ALMS1: variants seen among roughly 807,000 people sequenced by gnomAD.
The protein encoded by ALMS1 is ALMS1 centrosome and basal body associated protein.
Under a neutral mutation model 352.2 loss-of-function variants are expected in ALMS1, and 271 were observed. The ratio of observed to expected loss-of-function variants is 0.77; its 90% CI spans 0.70 to 0.85. ALMS1 has a LOEUF of 0.85. ALMS1 is among the 40% of genes least tolerant of loss of function. The probability of loss-of-function intolerance (pLI) is 0.00; values close to 1 mark genes in which losing one functional copy is unlikely to be tolerated. For missense variants in ALMS1, 5,445 were observed against 4,870.7 expected (o/e 1.12, Z -3.51); for synonymous variants, 1,865 against 1,761.2 (o/e 1.06, Z -1.48).
Position 73,453,675 on chromosome 2 carries a change from C to T in ALMS1, c.7148C>T (p.Ala2383Val), listed in dbSNP as rs1671998481. ...GAAGAAACTCTTAGGCAATATCAAGCAGCCAAATCTGTAATGAGGTCTGAA... is the reference window on the plus strand; with the variant it reads ...GAAGAAACTCTTAGGCAATATCAAGTAGCCAAATCTGTAATGAGGTCTGAA... ...ALEETLRQYQ[A>V]AKSVMRSEPE... The change falls in exon 8 of 23, where the codon GCA (alanine) becomes GTA (valine). Residue 2383 changes from alanine (A) to valine (V), a missense_variant. Transcript: ENST00000613296. 4 of 1,614,082 alleles carry T rather than the reference C, an allele frequency of 2.5e-6. No homozygotes were observed. The highest frequency in any genetic ancestry group is 1.7e-5 in the Admixed American group (1 of 59,998).
At position 73,575,365 on chromosome 2, in the gene ALMS1, C is replaced by T. The variant is rs145560602; in HGVS notation, c.11547+1941C>T. 3.1e-3 allele frequency among the ~76,000 whole-genome samples: 477 copies of T among 152,302 alleles called. 3 individuals are homozygous for T. Among genetic ancestry groups the T allele is most frequent in the African/African-American group, 0.011 (454 of 41,560 alleles). Reference sequence around the variant, plus strand: ...TACCTGCACTATTTTGCATTCCCATCAGCAGTGTATAAGGGTTCCTCCAAC... The same window carrying T: ...TACCTGCACTATTTTGCATTCCCATTAGCAGTGTATAAGGGTTCCTCCAAC... On this transcript the variant is annotated intron_variant, in intron 16 of 22. Transcript: ENST00000613296.
At chr2:73,428,055 A>G (rs1315689328) in intron 6 of ALMS1, among the ~76,000 whole-genome samples, 1 of 152,158 alleles carries the variant, frequency 6.6e-6, no homozygotes, top group Non-Finnish European at 1.5e-5. Context: ...TTTTTTTAAC[A>G]CAGAATCACT....
At chr2:73,569,423 A>G (rs190742664) in intron 15 of ALMS1, among the ~76,000 whole-genome samples, 11 of 152,236 alleles carry the variant, frequency 7.2e-5, no homozygotes. Flanking sequence ...ATTTTAGAGC[A>G]ATGTTATCTA....
At chr2:73,550,836 G>T (rs1410136356) in intron 13 of ALMS1, among the ~76,000 whole-genome samples, 1 of 151,634 alleles carries the variant, frequency 6.6e-6, no homozygotes, top group Non-Finnish European at 1.5e-5. Flanking sequence ...TAGCTGACAT[G>T]ATTTTTTTTT....
Position 73,451,697 on chromosome 2 carries a change from C to CAT in ALMS1, c.5171_5172insTA (p.Gln1724HisfsTer9). The CAT allele has an allele frequency of 6.2e-7, 1 of 1,614,096 alleles. No individual in the cohort carries two copies. The highest frequency in any genetic ancestry group is 8.5e-7 in the Non-Finnish European group (1 of 1,179,986). ...AGAGAAGCCCATTGTCTTCTACCAACAGGCCCTGCCAGACAGTGAGCTAAC... is the reference window on the plus strand; with the variant it reads ...AGAGAAGCCCATTGTCTTCTACCAACATAGGCCCTGCCAGACAGTGAGCTAAC... On this transcript the variant is annotated frameshift_variant, in exon 8 of 23. Coordinates refer to ENST00000613296, the MANE Select transcript of ALMS1 (RefSeq NM_001378454.1). LOFTEE classifies it high-confidence loss of function.
intron 9 of ALMS1, among the ~76,000 whole-genome samples, chr2:73,468,263 G>T (rs1000478253): frequency 6.6e-6 from 1 of 151,894 alleles, no homozygotes; most frequent in Admixed American, 6.6e-5. Context: ...TGAAAGGCTA[G>T]TAGAAGTCCT....
chr2:73,539,453 T>C (rs1674113279), intron 12 of ALMS1, among the ~76,000 whole-genome samples: 1 of 152,010 alleles, frequency 6.6e-6, no homozygotes. Context: ...CTGAAAATTC[T>C]AAAAATCGGA....
At chr2:73,458,123 A>G (rs969938698) in intron 9 of ALMS1, 25 of 150,698 alleles carry the variant, frequency 1.7e-4, no homozygotes, top group African/African-American at 4.6e-4. Context: ...TCATTCAACC[A>G]TCTTGTGTTT....
chr2:73,492,886 C>T (rs1266121824), intron 10 of ALMS1, among the ~76,000 whole-genome samples: 1 of 151,820 alleles, frequency 6.6e-6, no homozygotes, highest in Admixed American at 6.6e-5. Context: ...CACAGGCGTG[C>T]ACCACCATGC....
intron 12 of ALMS1, among the ~76,000 whole-genome samples, 179 bp downstream of exon 12, chr2:73,535,128 G>A (rs1674000225): frequency 1.3e-5 from 2 of 152,108 alleles, no homozygotes; most frequent in Admixed American, 1.3e-4. Flanking sequence ...ATACACATAA[G>A]CATTTATAAA....
At chr2:73,503,544 T>A (rs570579663) in intron 10 of ALMS1, among the ~76,000 whole-genome samples, 7 of 152,172 alleles carry the variant, frequency 4.6e-5, no homozygotes, top group East Asian at 1.9e-4. Context: ...TTGTGAATAG[T>A]GCCGCAATAA....
intron 1 of ALMS1, among the ~76,000 whole-genome samples, chr2:73,406,481 G>T (rs1478843914): frequency 8.9e-6 from 1 of 112,110 alleles, no homozygotes; most frequent in African/African-American, 3.5e-5. Context: ...TTCATAGCTT[G>T]TTTTTCATTT....
In ALMS1 at chr2:73,573,181, A is replaced by G. The variant is rs1386476129; in HGVS notation, c.11304A>G (p.Gln3768=). The part of the protein sequence containing the change: ...TSTVESDILT[Q]TDREVALHER... ...CTGTCGAATCAGATATATTGACCCAAACAGATAGAGAGGTGGCTCTGCACG... is the reference window on the plus strand; with the variant it reads ...CTGTCGAATCAGATATATTGACCCAGACAGATAGAGAGGTGGCTCTGCACG... Residue 3768 remains glutamine (Q), a synonymous_variant, in exon 16 of 23, where the codon CAA becomes CAG. Coordinates refer to ENST00000613296, the MANE Select transcript of ALMS1 (RefSeq NM_001378454.1). 5 of 1,613,210 alleles carry G rather than the reference A, an allele frequency of 3.1e-6. No individual in the cohort carries two copies. Among genetic ancestry groups the G allele is most frequent in the African/African-American group, 1.3e-5 (1 of 74,970 alleles).
chr2:73,474,211 C>T (rs757390611), intron 9 of ALMS1, among the ~76,000 whole-genome samples: 1 of 151,506 alleles, frequency 6.6e-6, no homozygotes, highest in East Asian at 1.9e-4. Context: ...TTATTCCTGC[C>T]GTAAATACTG....
At chr2:73,534,970 G>A (rs771281086) in intron 12 of ALMS1, 21 bp downstream of exon 12, 23 of 1,613,054 alleles carry the variant, frequency 1.4e-5, no homozygotes, top group South Asian at 2.2e-5. Context: ...GAAATTATTC[G>A]AAGTTTTATT....
At chr2:73,592,003 GT>G (rs755270341) in intron 16 of ALMS1, among the ~76,000 whole-genome samples, 2 of 151,854 alleles carry the variant, frequency 1.3e-5, no homozygotes, top group African/African-American at 4.8e-5. Flanking sequence ...TCCCATTAGA[GT>G]TTTTTTTACC....
In ALMS1 at chr2:73,572,656, G is replaced by T; in HGVS notation, c.10779G>T (p.Gln3593His). The T allele has an allele frequency of 1.2e-6, 2 of 1,614,084 alleles. No homozygotes were observed. Among genetic ancestry groups the T allele is most frequent in the Non-Finnish European group, 1.7e-6 (2 of 1,180,006 alleles). Residue 3593 changes from glutamine to histidine, a missense_variant, in exon 16 of 23, where the codon CAG (glutamine) becomes CAT (histidine). Transcript: ENST00000613296. ...DQKVTPEQTTQHTVSLNELWN... is the reference protein window; with the variant it reads ...DQKVTPEQTTHHTVSLNELWN... ...AGGTCACCCCAGAGCAAACAACTCAGCACACTGTGAGTTTGAATGAACTGT... is the reference window on the plus strand; with the variant it reads ...AGGTCACCCCAGAGCAAACAACTCATCACACTGTGAGTTTGAATGAACTGT...
At chr2:73,460,538 A>G (rs1672168104) in intron 9 of ALMS1, among the ~76,000 whole-genome samples, 1 of 152,216 alleles carries the variant, frequency 6.6e-6, no homozygotes. Context: ...TGATTTCTGC[A>G]TTTCCATCTG....
chr2:73,484,677 C>G (rs1379490409), intron 9 of ALMS1, among the ~76,000 whole-genome samples: 1 of 144,810 alleles, frequency 6.9e-6, no homozygotes. Flanking sequence ...TGTTTTCCAA[C>G]TTGGTTCCAT....
Sources: allele counts gnomAD v4.1 joint callset (sites outside exome capture counted in the v4.1 genomes callset), GRCh38; gene constraint gnomAD v4.1.1; transcripts MANE v1.5; gene names NCBI Gene and HGNC (gene_info 2026-07-23, HGNC 2026-07-21).